The following ADAMTS16 variants were observed in gnomAD, a reference collection of about 807,000 sequenced individuals.
ADAMTS16 encodes A disintegrin and metalloproteinase with thrombospondin motifs 16.
Under a neutral mutation model 145.8 loss-of-function variants are expected in ADAMTS16, and 94 were observed. That is an observed-to-expected ratio of 0.64 (90% CI 0.55 to 0.77). The LOEUF (loss-of-function observed/expected upper bound fraction) is 0.77, where lower values mean the gene tolerates loss of function less well. ADAMTS16 is among the 30% of genes least tolerant of loss of function. The probability of loss-of-function intolerance (pLI) is 0.00; values close to 1 mark genes in which losing one functional copy is unlikely to be tolerated. For missense variants in ADAMTS16, 1,585 were observed against 1,591.5 expected (o/e 1.00, Z 0.07); for synonymous variants, 659 against 604.3 (o/e 1.09, Z -1.33).
At chr5:5,217,404 G>C (rs1736467505) in intron 10 of ADAMTS16, among the ~76,000 whole-genome samples, 1 of 152,208 alleles carries the variant, frequency 6.6e-6, no homozygotes, top group African/African-American at 2.4e-5. Flanking sequence ...TACCATCAGA[G>C]TGAACAGGTC....
intron 17 of ADAMTS16, among the ~76,000 whole-genome samples, chr5:5,259,975 G>T (rs1350152859): frequency 2.6e-5 from 4 of 152,120 alleles, no homozygotes; most frequent in South Asian, 2.1e-4. Context: ...ACACTCAAAG[G>T]CCAATCCCAA....
At chr5:5,145,361 C>G (rs1039992461) in intron 2 of ADAMTS16, among the ~76,000 whole-genome samples, 1 of 152,182 alleles carries the variant, frequency 6.6e-6, no homozygotes, top group Non-Finnish European at 1.5e-5. Context: ...CCACTGGCCT[C>G]TTTTGCATCT....
chr5:5,204,572 T>A lies in ADAMTS16; in HGVS notation c.1451+4303T>A, dbSNP rs147633627. Among the ~76,000 whole-genome samples, 391 of 152,372 alleles carry A rather than the reference T, an allele frequency of 2.6e-3. 2 individuals carry two copies. The highest frequency in any genetic ancestry group is 8.7e-3 in the African/African-American group (360 of 41,594). Reference sequence around the variant, plus strand: ...GGAGTTATGCACCCTTGTGCAGTTATGAGATTCATCCTTGTTGCTGCATCT... The same window carrying A: ...GGAGTTATGCACCCTTGTGCAGTTAAGAGATTCATCCTTGTTGCTGCATCT... On this transcript the variant is annotated intron_variant, in intron 9 of 22. Coordinates refer to ENST00000274181, the MANE Select transcript of ADAMTS16 (RefSeq NM_139056.4).
intron 17 of ADAMTS16, among the ~76,000 whole-genome samples, chr5:5,260,250 A>G (rs910490955): frequency 6.6e-6 from 1 of 152,096 alleles, no homozygotes; most frequent in Admixed American, 6.6e-5. Flanking sequence ...TTGTACTTTC[A>G]TAGAAATATT....
At chr5:5,225,193 A>G (rs1012413487) in intron 11 of ADAMTS16, among the ~76,000 whole-genome samples, 1 of 151,716 alleles carries the variant, frequency 6.6e-6, no homozygotes, top group Non-Finnish European at 1.5e-5. Flanking sequence ...CAATGAATGT[A>G]GAGGTTTACC....
intron 13 of ADAMTS16, among the ~76,000 whole-genome samples, chr5:5,236,282 A>T (rs1057196740): frequency 2.1e-5 from 3 of 146,030 alleles, no homozygotes; most frequent in Admixed American, 1.4e-4. Flanking sequence ...TGAAATTTTC[A>T]TCATTAATTG....
chr5:5,148,003 C>T (rs1392572742), intron 3 of ADAMTS16, among the ~76,000 whole-genome samples: 1 of 152,088 alleles, frequency 6.6e-6, no homozygotes, highest in Non-Finnish European at 1.5e-5. Flanking sequence ...AAATTTCTGG[C>T]TCTTTTTGAG....
At chr5:5,189,829 A>G (rs1469197447) in intron 6 of ADAMTS16, 142 bp from the exon 7 acceptor site, 8 of 950,378 alleles carry the variant, frequency 8.4e-6, no homozygotes, top group Non-Finnish European at 1.3e-5. Context: ...AATACGTAAA[A>G]TACACGCGTT....
chr5:5,170,713 T>TC, intron 3 of ADAMTS16, among the ~76,000 whole-genome samples: 1 of 152,188 alleles, frequency 6.6e-6, no homozygotes, highest in Non-Finnish European at 1.5e-5. Flanking sequence ...CTTAGATTTT[T>TC]TTTTTTCCTG....
intron 18 of ADAMTS16, among the ~76,000 whole-genome samples, chr5:5,287,441 A>G (rs993501019): frequency 6.6e-5 from 10 of 152,164 alleles, no homozygotes; most frequent in African/African-American, 2.2e-4. Flanking sequence ...GCCTAGACCC[A>G]TCTACAGAGG....
chr5:5,302,983 A>G (rs567939636), intron 18 of ADAMTS16, among the ~76,000 whole-genome samples: 2 of 152,282 alleles, frequency 1.3e-5, no homozygotes, highest in African/African-American at 4.8e-5. Context: ...AAAGAAGAGA[A>G]CAGACACACT....
At chr5:5,157,308 T>A (rs1443150655) in intron 3 of ADAMTS16, among the ~76,000 whole-genome samples, 1 of 152,100 alleles carries the variant, frequency 6.6e-6, no homozygotes. Context: ...TTTTTCTTCA[T>A]ATTTAATTGA....
chr5:5,266,282 G>A (rs1738236482), intron 18 of ADAMTS16, among the ~76,000 whole-genome samples: 1 of 152,088 alleles, frequency 6.6e-6, no homozygotes, highest in Admixed American at 6.5e-5. Flanking sequence ...TCCTAATTGT[G>A]TGCTTTGAGG....
At chr5:5,196,797 A>G (rs1025267) in intron 8 of ADAMTS16, among the ~76,000 whole-genome samples, 113,701 of 152,066 alleles carry the variant, frequency 0.75, 42,603 homozygotes, top group East Asian at 0.85. Context: ...TGTACAGTTC[A>G]TGAGGAAGGT....
At chr5:5,152,995 A>T (rs1287999385) in intron 3 of ADAMTS16, among the ~76,000 whole-genome samples, 2 of 152,350 alleles carry the variant, frequency 1.3e-5, no homozygotes, top group African/African-American at 2.4e-5. Flanking sequence ...AGATGATCCC[A>T]AAGCTAATTC....
intron 17 of ADAMTS16, among the ~76,000 whole-genome samples, chr5:5,247,072 G>C (rs1211381515): frequency 6.6e-6 from 1 of 152,178 alleles, no homozygotes; most frequent in African/African-American, 2.4e-5. Flanking sequence ...GGTTCCTACT[G>C]CTCATCTGAT....
intron 10 of ADAMTS16, among the ~76,000 whole-genome samples, chr5:5,217,661 T>G (rs1359018533): frequency 6.6e-6 from 1 of 152,198 alleles, no homozygotes; most frequent in Non-Finnish European, 1.5e-5. Flanking sequence ...GTGTTAAACC[T>G]TAACCAAGTT....
At chr5:5,278,383 T>A (rs2126466001) in intron 18 of ADAMTS16, among the ~76,000 whole-genome samples, 1 of 152,332 alleles carries the variant, frequency 6.6e-6, no homozygotes, top group Non-Finnish European at 1.5e-5. Context: ...ATCAGTTTTA[T>A]ATCACTCAGC....
chr5:5,190,975 G>A (rs1306446979), intron 7 of ADAMTS16, among the ~76,000 whole-genome samples: 3 of 102,342 alleles, frequency 2.9e-5, no homozygotes, highest in African/African-American at 9.8e-5. Context: ...TTAGGCAGTG[G>A]GTGCCTATGT....
Sources: gnomAD v4.1 joint callset for allele counts (sites outside exome capture counted in the v4.1 genomes callset) on GRCh38, gnomAD v4.1.1 for gene constraint, MANE v1.5 for transcripts, NCBI Gene and HGNC (gene_info 2026-07-23, HGNC 2026-07-21) for gene names.